Variants in RMST observed in about 807,000 individuals in gnomAD.
The protein encoded by RMST is long intergenic non-protein coding RNA 54.
intron 11 of RMST, among the ~76,000 whole-genome samples, chr12:97,558,784 A>C (rs888264893): frequency 4.6e-5 from 7 of 152,154 alleles, no homozygotes; most frequent in Non-Finnish European, 8.8e-5. Context: ...TATTCTGGGT[A>C]AACTGGGCTT....
At chr12:97,550,802 A>G (rs1388916781) in intron 11 of RMST, among the ~76,000 whole-genome samples, 1 of 152,158 alleles carries the variant, frequency 6.6e-6, no homozygotes, top group Non-Finnish European at 1.5e-5. Flanking sequence ...ATGCACATAC[A>G]TGCAAAATGC....
At chr12:97,484,749 G>C (rs1416296383) in intron 5 of RMST, among the ~76,000 whole-genome samples, 1 of 152,130 alleles carries the variant, frequency 6.6e-6, no homozygotes, top group East Asian at 1.9e-4. Context: ...TGTAAACTAA[G>C]ACTATTAATA....
At chr12:97,519,720 TACA>T (rs1355435677) in intron 10 of RMST, among the ~76,000 whole-genome samples, 4 of 152,202 alleles carry the variant, frequency 2.6e-5, no homozygotes, top group African/African-American at 9.6e-5. Flanking sequence ...TTAGAATAAA[TACA>T]ACATTTCTCA....
intron 13 of RMST, among the ~76,000 whole-genome samples, chr12:97,561,786 G>A (rs1016092804): frequency 6.6e-6 from 1 of 151,744 alleles, no homozygotes; most frequent in Non-Finnish European, 1.5e-5. Context: ...TCAGGTCCAG[G>A]AAATGAATAT....
At chr12:97,463,084 A>G (rs1872774122) in intron 3 of RMST, 1 of 150,544 alleles carries the variant, frequency 6.6e-6, no homozygotes, top group Non-Finnish European at 1.5e-5. Context: ...AGAGACGCAC[A>G]CACACACAAG....
intron 10 of RMST, among the ~76,000 whole-genome samples, chr12:97,525,095 C>T (rs1379823482): frequency 1.3e-5 from 2 of 152,144 alleles, no homozygotes; most frequent in East Asian, 1.9e-4. Flanking sequence ...GGAAAGGACT[C>T]CTTACTTGAA....
At chr12:97,471,267 G>T (rs956912675) in intron 5 of RMST, among the ~76,000 whole-genome samples, 1 of 152,050 alleles carries the variant, frequency 6.6e-6, no homozygotes, top group Non-Finnish European at 1.5e-5. Flanking sequence ...TATGTGTAGC[G>T]TGTGTTAATT....
At chr12:97,551,488 G>A (rs1883307954) in intron 11 of RMST, among the ~76,000 whole-genome samples, 2 of 152,140 alleles carry the variant, frequency 1.3e-5, no homozygotes, top group Admixed American at 1.3e-4. Context: ...ACAGAACAAA[G>A]AAGAGTTGAT....
At chr12:97,527,967 A>G (rs1167738067) in intron 10 of RMST, among the ~76,000 whole-genome samples, 2 of 152,164 alleles carry the variant, frequency 1.3e-5, no homozygotes, top group African/African-American at 2.4e-5. Context: ...AAAAATAATA[A>G]CTAAGATATA....
intron 11 of RMST, among the ~76,000 whole-genome samples, chr12:97,558,814 A>G (rs922001826): frequency 1.3e-5 from 2 of 152,134 alleles, no homozygotes; most frequent in African/African-American, 4.8e-5. Flanking sequence ...CCACAGCATC[A>G]CTTAGACTCC....
intron 11 of RMST, among the ~76,000 whole-genome samples, chr12:97,542,253 C>G (rs1882598781): frequency 6.6e-6 from 1 of 151,592 alleles, no homozygotes; most frequent in African/African-American, 2.4e-5. Context: ...AGGTACTGCC[C>G]CTTGTGCATG....
chr12:97,562,480 G>T (rs575813879), intron 13 of RMST, among the ~76,000 whole-genome samples: 12 of 152,218 alleles, frequency 7.9e-5, no homozygotes, highest in Admixed American at 5.2e-4. Context: ...GGTAGCTGGT[G>T]GGGAGAGCTG....
chr12:97,493,530 T>C (rs553897518), intron 7 of RMST, among the ~76,000 whole-genome samples: 2 of 152,296 alleles, frequency 1.3e-5, no homozygotes, highest in African/African-American at 4.8e-5. Context: ...CCACCAAAAA[T>C]GGACTCCTTG....
chr12:97,564,900 C>T (rs549770704), exon 14 of RMST: 16 of 152,258 alleles, frequency 1.1e-4, no homozygotes, highest in African/African-American at 3.9e-4. Context: ...TGACTATGGA[C>T]TTACATTCAC....
chr12:97,561,584 T>G (rs898950565), intron 13 of RMST, among the ~76,000 whole-genome samples: 5 of 149,234 alleles, frequency 3.4e-5, no homozygotes, highest in African/African-American at 1.2e-4. Context: ...GGGACGAGCA[T>G]GATTCAAATT....
chr12:97,561,536 G>A (rs1884100620), intron 13 of RMST, among the ~76,000 whole-genome samples: 1 of 151,912 alleles, frequency 6.6e-6, no homozygotes, highest in South Asian at 2.1e-4. Context: ...GAAGGGGAGG[G>A]GATATGAGTC....
At chr12:97,523,574 AC>A in intron 10 of RMST, among the ~76,000 whole-genome samples, 1 of 152,344 alleles carries the variant, frequency 6.6e-6, no homozygotes, top group East Asian at 1.9e-4. Flanking sequence ...AAAACATCAC[AC>A]TGTACTCCAT....
chr12:97,489,059 C>T (rs540393700), intron 5 of RMST, among the ~76,000 whole-genome samples: 1 of 152,268 alleles, frequency 6.6e-6, no homozygotes, highest in South Asian at 2.1e-4. Flanking sequence ...GTCAATTTGA[C>T]TTAAGTAACT....
At position 97,563,986 on chromosome 12, in the gene RMST, T is replaced by C. The variant is rs375996581; in HGVS notation, n.1959-164T>C. On this transcript the variant is annotated intron_variant and non_coding_transcript_variant, in intron 13 of 13. Coordinates refer to ENST00000640149, the Ensembl canonical transcript of RMST. ...TGAATGTGATGGAGACAAGATTTAG[T>C]GTATAGCTCTGCTACCTGCCTGGTG... is the stretch of plus-strand genomic sequence containing the variant. The C allele has an allele frequency of 5.5e-3, 2,359 of 426,002 alleles. 17 individuals are homozygous for C. Among genetic ancestry groups the C allele is most frequent in the Non-Finnish European group, 8.7e-3 (1,753 of 201,672 alleles). 26.4% of individuals were successfully genotyped at this position (426,002 alleles called of 1,614,324 possible). A position where few individuals can be genotyped will look rare whatever the true frequency, so the allele number is the denominator to read the frequency against.
Sources: gnomAD v4.1 joint callset for allele counts (sites outside exome capture counted in the v4.1 genomes callset) on GRCh38, gnomAD v4.1.1 for gene constraint, MANE v1.5 for transcripts, NCBI Gene and HGNC (gene_info 2026-07-23, HGNC 2026-07-21) for gene names.